The following TMEM68 variants were observed in gnomAD, a reference collection of about 807,000 sequenced individuals.
TMEM68 encodes the protein DGAT1/2-independent enzyme synthesizing storage lipids.
TMEM68 carries 25 observed loss-of-function variants against 36.9 expected under a neutral mutation model. The observed-to-expected ratio is 0.68, with a 90% CI of 0.49 to 0.95. The LOEUF is 0.95. TMEM68 is among the 40% of genes least tolerant of loss of function. The pLI, the probability that TMEM68 is intolerant of heterozygous loss-of-function variation, is 0.00. For missense variants in TMEM68, 333 were observed against 392.0 expected, an observed-to-expected ratio of 0.85 and a Z score of 1.27; for synonymous variants, 131 against 124.4, an observed-to-expected ratio of 1.05 and a Z score of -0.35.
chr8:55,761,254 T>C (rs1345412020), intron 3 of TMEM68: 1 of 152,206 alleles, frequency 6.6e-6, no homozygotes, highest in African/African-American at 2.4e-5. Flanking sequence ...GAGGCCCCAA[T>C]TGCCTATAAA....
chr8:55,752,557 C>T (rs1409774827), intron 4 of TMEM68, among the ~76,000 whole-genome samples: 1 of 152,036 alleles, frequency 6.6e-6, no homozygotes, highest in Non-Finnish European at 1.5e-5. Flanking sequence ...CACTGCACTC[C>T]AACCTGGGCA....
chr8:55,761,318 C>G (rs1181362885), intron 3 of TMEM68: 1 of 152,198 alleles, frequency 6.6e-6, no homozygotes, highest in Non-Finnish European at 1.5e-5. Context: ...TCCCAGAGTA[C>G]TTTTCCACCT....
At chr8:55,742,810 T>A (rs1382112886) in intron 7 of TMEM68, among the ~76,000 whole-genome samples, 1 of 151,224 alleles carries the variant, frequency 6.6e-6, no homozygotes, top group African/African-American at 2.4e-5. Context: ...GTAGGGTTTT[T>A]TTTTTTTTGT....
chr8:55,771,441 A>AACACAC (rs10612593), intron 1 of TMEM68, among the ~76,000 whole-genome samples: 2 of 149,354 alleles, frequency 1.3e-5, no homozygotes, highest in African/African-American at 2.5e-5. Flanking sequence ...GTCTCTACAA[A>AACACAC]ACACACACAC....
At chr8:55,758,732 G>A (rs1351148839) in intron 3 of TMEM68, among the ~76,000 whole-genome samples, 1 of 152,214 alleles carries the variant, frequency 6.6e-6, no homozygotes, top group Non-Finnish European at 1.5e-5. Context: ...CTTGAGCCCA[G>A]AAGTTGAAAG....
At chr8:55,753,399 A>G (rs1263174087) in intron 4 of TMEM68, among the ~76,000 whole-genome samples, 1 of 152,210 alleles carries the variant, frequency 6.6e-6, no homozygotes, top group African/African-American at 2.4e-5. Flanking sequence ...AGTAAAATAA[A>G]TCAAAATGAA....
rs571142867 is a variant in TMEM68 at position 55,772,745 on chromosome 8, G to T, written c.-115+524C>A. Among the ~76,000 whole-genome samples the T allele has an allele frequency of 2.0e-5, 3 of 152,304 alleles. No individual in the cohort carries two copies. In the East Asian group the frequency reaches 5.8e-4, roughly 29 times the overall value. On this transcript the variant is annotated intron_variant, in intron 1 of 7. Coordinates refer to ENST00000434581, the MANE Select transcript of TMEM68 (RefSeq NM_001286657.2). ...CAGAAAGGTGAAGTTGCCTGCCCAG[G>T]TCACAAGGTAGGACCAGGATTCCAA...
intron 3 of TMEM68, among the ~76,000 whole-genome samples, chr8:55,757,664 C>T (rs536239950): frequency 1.2e-4 from 19 of 152,064 alleles, no homozygotes; most frequent in African/African-American, 4.6e-4. Flanking sequence ...CACTCCCCTG[C>T]CCCACACACT....
intron 7 of TMEM68, among the ~76,000 whole-genome samples, chr8:55,740,960 G>A (rs944894216): frequency 4.6e-5 from 7 of 152,170 alleles, no homozygotes; most frequent in Admixed American, 2.6e-4. Flanking sequence ...TTGGCTGGGC[G>A]TGGTGGCTCA....
chr8:55,767,534 C>T (rs1811009724), intron 1 of TMEM68, among the ~76,000 whole-genome samples: 1 of 152,126 alleles, frequency 6.6e-6, no homozygotes, highest in Middle Eastern at 3.4e-3. Context: ...GAGGAGGATA[C>T]AGGGTATAAG....
chr8:55,751,967 G>A (rs1463451323), intron 4 of TMEM68, among the ~76,000 whole-genome samples: 2 of 152,180 alleles, frequency 1.3e-5, no homozygotes, highest in South Asian at 2.1e-4. Flanking sequence ...CCAGCACTTT[G>A]GGAGAAAGAG....
chr8:55,765,020 C>T (rs766840183), intron 1 of TMEM68, among the ~76,000 whole-genome samples: 30 of 151,964 alleles, frequency 2.0e-4, no homozygotes, highest in Non-Finnish European at 4.0e-4. Context: ...TGCAGCGAGC[C>T]GAGATTGCAC....
At chr8:55,760,416 AG>A (rs1402369832) in intron 3 of TMEM68, among the ~76,000 whole-genome samples, 1 of 152,244 alleles carries the variant, frequency 6.6e-6, no homozygotes, top group Non-Finnish European at 1.5e-5. Context: ...TCAGGCTCAA[AG>A]AAAAAGCGTG....
intron 1 of TMEM68, among the ~76,000 whole-genome samples, chr8:55,771,167 A>G (rs1194018802): frequency 1.3e-5 from 2 of 152,108 alleles, no homozygotes; most frequent in Non-Finnish European, 2.9e-5. Flanking sequence ...AAAAAAAAAA[A>G]AAGTTGACAA....
intron 4 of TMEM68, among the ~76,000 whole-genome samples, chr8:55,754,470 C>T (rs75645536): frequency 0.58 from 54,329 of 94,040 alleles, 13,241 homozygotes; most frequent in Non-Finnish European, 0.6. Flanking sequence ...TATATATACA[C>T]ACACACACAC....
rs192748351 is a variant in TMEM68, at chr8:55,762,629, G to C, written c.325+6C>G. On this transcript the variant is annotated splice_donor_region_variant and intron_variant, in intron 3 of 7. Transcript: ENST00000434581. ...GCAACACAAAGGTGAAAGTATCCTT[G>C]CTTACCATGCCAAACGGCTGCATGT... The C allele has an allele frequency of 3.3e-5, 54 of 1,614,116 alleles. No individual in the cohort carries two copies. In the Admixed American group the frequency reaches 9.0e-4, roughly 27 times the overall value.
chr8:55,757,068 T>A (rs1212209730), intron 3 of TMEM68, among the ~76,000 whole-genome samples: 1 of 152,112 alleles, frequency 6.6e-6, no homozygotes, highest in Non-Finnish European at 1.5e-5. Context: ...GAGCCAGGTT[T>A]CACTGTTAGA....
In TMEM68 at chr8:55,756,298, G is replaced by A; in HGVS notation, c.439C>T (p.His147Tyr). 1 of 1,607,478 alleles carries A rather than the reference G, an allele frequency of 6.2e-7. No individual in the cohort carries two copies. Among genetic ancestry groups the A allele is most frequent in the Non-Finnish European group, 8.5e-7 (1 of 1,178,362 alleles). ...ACTACTCGGCAAGTTCTGCCTTTGT[G>A]TATAAATATTTTAGCCATGAAATAG... ...FYYFMAKIFI[H>Y]KGRTCRVVAD... The change falls in exon 4 of 8, where the codon CAC (histidine) becomes TAC (tyrosine). Residue 147 changes from histidine (H) to tyrosine (Y), a missense_variant. His to Tyr is a moderately conservative substitution (Grantham distance 83, BLOSUM62 2). Transcript: ENST00000434581.
chr8:55,766,205 TGAGG>T (rs72185098), intron 1 of TMEM68, among the ~76,000 whole-genome samples: 130,793 of 151,428 alleles, frequency 0.86, 56,621 homozygotes, highest in East Asian at 0.99. Flanking sequence ...AGCAGAAACC[TGAGG>T]GAGGAAGGAA....
Sources: allele counts gnomAD v4.1 joint callset (sites outside exome capture counted in the v4.1 genomes callset), GRCh38; gene constraint gnomAD v4.1.1; transcripts MANE v1.5; gene names NCBI Gene and HGNC (gene_info 2026-07-23, HGNC 2026-07-21).